RIMS1: variants seen among roughly 807,000 people sequenced by gnomAD.
The protein encoded by RIMS1 is regulating synaptic membrane exocytosis 1.
In RIMS1, 83 loss-of-function variants were observed where a neutral mutation model predicts 214.1. The observed-to-expected ratio is 0.39, with a 90% confidence interval of 0.32 to 0.47. RIMS1 has a LOEUF of 0.47. RIMS1 is among the 20% of genes least tolerant of loss of function. The pLI, the probability that RIMS1 is intolerant of heterozygous loss-of-function variation, is 0.99. For synonymous variants in RIMS1, 793 were observed against 786.8 expected (o/e 1.01, Z -0.13); for missense variants, 2,050 against 2,161.8 (o/e 0.95, Z 1.03).
chr6:71,896,742 C>T (rs1358921242), intron 1 of RIMS1, among the ~76,000 whole-genome samples: 1 of 152,124 alleles, frequency 6.6e-6, no homozygotes, highest in African/African-American at 2.4e-5. Flanking sequence ...CTTGCCCTTG[C>T]TTCTATAATT....
chr6:72,303,609 T>G (rs952530576), intron 26 of RIMS1, among the ~76,000 whole-genome samples: 2 of 151,410 alleles, frequency 1.3e-5, no homozygotes, highest in Non-Finnish European at 3.0e-5. Flanking sequence ...CATTTAACTC[T>G]TAAAAATAAG....
intron 31 of RIMS1, among the ~76,000 whole-genome samples, chr6:72,395,265 A>C (rs889444539): frequency 6.6e-6 from 1 of 152,090 alleles, no homozygotes; most frequent in African/African-American, 2.4e-5. Context: ...TTTTAAGAAA[A>C]ACATAAAACC....
intron 2 of RIMS1, among the ~76,000 whole-genome samples, chr6:72,080,179 G>A (rs1029339647): frequency 8.7e-5 from 13 of 149,124 alleles, no homozygotes; most frequent in Non-Finnish European, 1.8e-4. Context: ...CAGGAGAATC[G>A]CTGGAACCCG....
intron 2 of RIMS1, among the ~76,000 whole-genome samples, chr6:72,095,353 GT>G (rs1291231415): frequency 6.6e-6 from 1 of 151,990 alleles, no homozygotes; most frequent in Admixed American, 6.6e-5. Context: ...GCCCACAGTT[GT>G]TTTCTACTAG....
At chr6:72,261,028 A>G in intron 19 of RIMS1, 1 of 1,256,082 alleles carries the variant, frequency 8.0e-7, no homozygotes, top group Non-Finnish European at 1.0e-6. Context: ...TTGCGTTCCT[A>G]AAACTGAGGA....
chr6:72,054,533 A>T (rs1331465798), intron 2 of RIMS1, among the ~76,000 whole-genome samples: 1 of 152,158 alleles, frequency 6.6e-6, no homozygotes, highest in Non-Finnish European at 1.5e-5. Flanking sequence ...ACTAATTTAC[A>T]TTCCCACCGA....
intron 6 of RIMS1, among the ~76,000 whole-genome samples, chr6:72,231,505 T>C (rs553053248): frequency 1.1e-4 from 17 of 151,718 alleles, no homozygotes; most frequent in South Asian, 2.1e-4. Flanking sequence ...ATGGCCAAAG[T>C]TGGAAAAAAT....
rs373279269 is a variant in RIMS1, at chr6:72,184,582, T to A, written c.1678+1433T>A. On this transcript the variant is annotated intron_variant, in intron 6 of 33. Transcript: ENST00000521978. ...TAGTCAAGGACCTAAAGCTAGAGAA[T>A]TTAATGCCGGAAAAGGATGGCTTGA... Among the ~76,000 whole-genome samples, 18 of 152,288 alleles carry A rather than the reference T, an allele frequency of 1.2e-4. No homozygotes were observed. In the East Asian group the frequency reaches 3.3e-3, roughly 28 times the overall value.
chr6:72,284,219 G>A, intron 24 of RIMS1, 101 bp downstream of exon 24: 1 of 985,034 alleles, frequency 1.0e-6, no homozygotes, highest in Non-Finnish European at 1.5e-6. Flanking sequence ...AACACAAATT[G>A]TGATGTTTAA....
intron 2 of RIMS1, among the ~76,000 whole-genome samples, chr6:72,088,695 A>C (rs1562283340): frequency 1.3e-5 from 2 of 152,208 alleles, no homozygotes; most frequent in African/African-American, 4.8e-5. Flanking sequence ...ATGTTATAAC[A>C]GTTATTACAA....
At chr6:72,252,644 T>C (rs2073945469) in intron 15 of RIMS1, 117 bp from the exon 16 acceptor site, 1 of 760,858 alleles carries the variant, frequency 1.3e-6, no homozygotes, top group South Asian at 1.5e-5. Flanking sequence ...ACTGTATTAG[T>C]CTTCATAAGT....
In RIMS1 at chr6:72,161,872, G is replaced by C. The variant is rs1340697235; in HGVS notation, c.472-17703G>C. On this transcript the variant is annotated intron_variant, in intron 4 of 33. Coordinates refer to ENST00000521978, the MANE Select transcript of RIMS1 (RefSeq NM_014989.7). ...AAAAGAATGTATATTCTGTTGATTT[G>C]GGGTGGAGAGTTCTATAGATGTCTA... Among the ~76,000 whole-genome samples, 2 of 141,098 alleles carry C rather than the reference G, an allele frequency of 1.4e-5. 1 individual carries two copies. Among genetic ancestry groups the C allele is most frequent in the Non-Finnish European group, 3.2e-5 (2 of 62,138 alleles). The allele number at this position is 141,098 out of a possible 152,430, so 92.6% of individuals were successfully genotyped here.
intron 1 of RIMS1, among the ~76,000 whole-genome samples, chr6:71,926,853 C>G (rs978139988): frequency 1.5e-4 from 23 of 151,966 alleles, no homozygotes; most frequent in African/African-American, 5.3e-4. Context: ...CCACCTAGAC[C>G]AGCAGAGATA....
chr6:72,279,250 A>G (rs1361133617), intron 23 of RIMS1, among the ~76,000 whole-genome samples: 1 of 152,054 alleles, frequency 6.6e-6, no homozygotes, highest in Non-Finnish European at 1.5e-5. Context: ...AGTTCATTTT[A>G]TAAATCTTCA....
intron 2 of RIMS1, among the ~76,000 whole-genome samples, chr6:72,009,973 T>C (rs1809706070): frequency 6.6e-6 from 1 of 152,198 alleles, no homozygotes; most frequent in Non-Finnish European, 1.5e-5. Flanking sequence ...TAACTCATTT[T>C]ATGAGGGCAG....
At chr6:72,024,160 A>C (rs1815616220) in intron 2 of RIMS1, among the ~76,000 whole-genome samples, 1 of 152,014 alleles carries the variant, frequency 6.6e-6, no homozygotes, top group Non-Finnish European at 1.5e-5. Context: ...CTCTTACTAC[A>C]TCTCTCTTTC....
chr6:72,315,559 CT>C (rs1174012722), intron 28 of RIMS1, among the ~76,000 whole-genome samples: 1 of 152,134 alleles, frequency 6.6e-6, no homozygotes, highest in Admixed American at 6.6e-5. Flanking sequence ...CATATTTGCT[CT>C]TAGAATAATT....
chr6:72,332,132 T>C (rs1211666872), intron 28 of RIMS1, among the ~76,000 whole-genome samples: 4 of 151,840 alleles, frequency 2.6e-5, no homozygotes, highest in Non-Finnish European at 4.4e-5. Flanking sequence ...ATATTAGGAT[T>C]TTTTCTGACT....
At chr6:71,915,844 C>T (rs538664385) in intron 1 of RIMS1, among the ~76,000 whole-genome samples, 37 of 152,154 alleles carry the variant, frequency 2.4e-4, no homozygotes, top group African/African-American at 7.7e-4. Context: ...GAAGGCCTCA[C>T]AATCATGGCA....
Sources: allele counts gnomAD v4.1 joint callset (sites outside exome capture counted in the v4.1 genomes callset), GRCh38; gene constraint gnomAD v4.1.1; transcripts MANE v1.5; gene names NCBI Gene and HGNC (gene_info 2026-07-23, HGNC 2026-07-21).